The following UVSSA variants were observed in gnomAD, a reference collection of about 807,000 sequenced individuals.
UVSSA encodes the protein UV-stimulated scaffold protein A.
A neutral mutation model predicts 73.9 loss-of-function variants in UVSSA; 72 were observed. The observed-to-expected ratio is 0.97, with a 90% CI of 0.81 to 1.19. The LOEUF (loss-of-function observed/expected upper bound fraction) is 1.19, where lower values mean the gene tolerates loss of function less well. Among genes scored for constraint, UVSSA ranks in the 50% most tolerant of loss-of-function variants. UVSSA has a pLI of 0.00. For synonymous variants in UVSSA, 454 were observed against 391.3 expected (o/e 1.16, Z -1.89); for missense variants, 1,150 against 965.0 (o/e 1.19, Z -2.54).
chr4:1,361,447 G>A (rs893190771), intron 7 of UVSSA, among the ~76,000 whole-genome samples: 5 of 152,238 alleles, frequency 3.3e-5, no homozygotes, highest in Middle Eastern at 3.2e-3. Flanking sequence ...AGAAAGCAAC[G>A]ACTTGCTTCA....
At chr4:1,344,813 T>G (rs1713557353), upstream of UVSSA, among the ~76,000 whole-genome samples, 2 of 152,080 alleles carry the variant, frequency 1.3e-5, no homozygotes. Flanking sequence ...TGGGGGGTGT[T>G]GAGCCAGGGA....
At chr4:1,376,213 G>T (rs755428316) in intron 10 of UVSSA, 45 bp downstream of exon 10, 1 of 1,561,520 alleles carries the variant, frequency 6.4e-7, no homozygotes, top group South Asian at 1.2e-5. Flanking sequence ...CACAACCAGG[G>T]TCCCAGCCTG....
intron 8 of UVSSA, among the ~76,000 whole-genome samples, chr4:1,369,256 G>A (rs1237586217): frequency 6.6e-6 from 1 of 152,258 alleles, no homozygotes; most frequent in Non-Finnish European, 1.5e-5. Flanking sequence ...CCCCAGGCGA[G>A]GGCTGGAGGG....
chr4:1,347,188 C>T (rs546248132), upstream of UVSSA: 1 of 152,294 alleles, frequency 6.6e-6, no homozygotes, highest in East Asian at 1.9e-4. Context: ...GGGCGGTCCC[C>T]CCGCCGGAAG....
intron 12 of UVSSA, 24 bp downstream of exon 12, chr4:1,381,012 C>T (rs776864275): frequency 6.9e-6 from 11 of 1,604,002 alleles, no homozygotes; most frequent in East Asian, 4.5e-5. Flanking sequence ...AGGCGGTCAC[C>T]GTGGGAGGCA....
chr4:1,367,231 A>G (rs1717453358), intron 8 of UVSSA, among the ~76,000 whole-genome samples: 1 of 152,110 alleles, frequency 6.6e-6, no homozygotes, highest in Non-Finnish European at 1.5e-5. Context: ...ACTGCGTTCC[A>G]GTGACACACC....
In UVSSA at chr4:1,394,910, G is replaced by A. The variant is rs371253109; in HGVS notation, c.*8949G>A. 54 of 1,573,840 alleles carry A rather than the reference G, an allele frequency of 3.4e-5. 1 individual carries two copies. Among genetic ancestry groups the A allele is most frequent in the East Asian group, 4.7e-5 (2 of 42,254 alleles). On this transcript the variant is annotated 3_prime_UTR_variant, in exon 14 of 14. Transcript: ENST00000511216. ...CCCGCCTGCTCACACGTGCCCATGCGGAGTGCCCGCCTGCTCACACGTGCC... is the reference window on the plus strand; with the variant it reads ...CCCGCCTGCTCACACGTGCCCATGCAGAGTGCCCGCCTGCTCACACGTGCC...
chr4:1,370,812 G>C (rs1003479433), intron 8 of UVSSA, among the ~76,000 whole-genome samples: 1 of 152,226 alleles, frequency 6.6e-6, no homozygotes, highest in African/African-American at 2.4e-5. Context: ...GGTGGCTCCA[G>C]ACAGCCCGAG....
At chr4:1,350,810 G>A (rs1383605396) in intron 3 of UVSSA, among the ~76,000 whole-genome samples, 1 of 152,142 alleles carries the variant, frequency 6.6e-6, no homozygotes, top group Admixed American at 6.5e-5. Flanking sequence ...GACGCATAGG[G>A]CTCTTGGCCA....
chr4:1,353,455 G>T, intron 5 of UVSSA, 42 bp downstream of exon 5: 2 of 1,441,930 alleles, frequency 1.4e-6, no homozygotes, highest in South Asian at 1.5e-5. Flanking sequence ...ACCCTGCCCC[G>T]GCTCCCGGGT....
intron 3 of UVSSA, among the ~76,000 whole-genome samples, chr4:1,351,013 C>A (rs1230444345): frequency 6.6e-6 from 1 of 152,122 alleles, no homozygotes; most frequent in Admixed American, 6.5e-5. Context: ...CCAAGTGATC[C>A]TCCTGCCTCA....
At chr4:1,365,117 G>A (rs1449676496) in intron 7 of UVSSA, among the ~76,000 whole-genome samples, 1 of 152,224 alleles carries the variant, frequency 6.6e-6, no homozygotes, top group Non-Finnish European at 1.5e-5. Flanking sequence ...GTGTGGCCAT[G>A]TTACTGAGCA....
chr4:1,391,391 C>G (rs1160619996), downstream of UVSSA: 1 of 152,230 alleles, frequency 6.6e-6, no homozygotes, highest in Non-Finnish European at 1.5e-5. Context: ...CCTTATTGAT[C>G]TTCTGCCCAG....
At chr4:1,352,957 G>C in intron 4 of UVSSA, 73 bp from the exon 5 acceptor site, 1 of 1,537,652 alleles carries the variant, frequency 6.5e-7, no homozygotes, top group South Asian at 1.3e-5. Flanking sequence ...GTGGGCCTCT[G>C]AGTGTGGTTT....
rs1720213652 is a variant in UVSSA, at chr4:1,387,369, C to T, written c.*1408C>T. 1 of 152,252 alleles carries T rather than the reference C, an allele frequency of 6.6e-6. No individual in the cohort carries two copies. Among genetic ancestry groups the T allele is most frequent in the Admixed American group, 6.5e-5 (1 of 15,290 alleles). The allele number at this position is 152,252 out of a possible 1,614,324, so 9.4% of individuals were successfully genotyped here. On this transcript the variant is annotated 3_prime_UTR_variant, in exon 14 of 14. Transcript: ENST00000389851. The stretch of plus-strand genomic sequence containing the variant: ...GGGATTACAGGTGTGAGCCACCGCA[C>T]TCAGCTGATTTGCAAAAACTTTCTT...
Position 1,376,969 on chromosome 4 carries a change from G to A in UVSSA, c.1568+801G>A, listed in dbSNP as rs555056164. ...GCCAGTCCCCGCCATCAAGACCCAG[G>A]GCCAGGTGTGACACGGAATATTGCC... On this transcript the variant is annotated intron_variant, in intron 10 of 13. Coordinates refer to ENST00000389851, the MANE Select transcript of UVSSA (RefSeq NM_020894.4). 3.3e-5 allele frequency among the ~76,000 whole-genome samples: 5 copies of A among 152,330 alleles called. 1 individual carries two copies. Among genetic ancestry groups the A allele is most frequent in the African/African-American group, 1.2e-4 (5 of 41,578 alleles).
At position 1,351,717 on chromosome 4, in the gene UVSSA, G is replaced by A; in HGVS notation, c.432G>A (p.Val144=). The change falls in exon 4 of 14, where the codon GTG becomes GTA. Residue 144 remains valine (V), a splice_region_variant and synonymous_variant. Coordinates refer to ENST00000389851, the MANE Select transcript of UVSSA (RefSeq NM_020894.4). The part of the protein sequence containing the change: ...GYHFLRHNKK[V]DFQDTNARSL... ...AGTCTTTATTTTCAATTGCTCAGGT[G>A]GATTTTCAAGACACGAATGCTCGGA... 9 of 1,613,034 alleles carry A rather than the reference G, an allele frequency of 5.6e-6. No individual in the cohort carries two copies. Among genetic ancestry groups the A allele is most frequent in the Non-Finnish European group, 7.6e-6 (9 of 1,179,434 alleles).
rs1715119895 is a variant in UVSSA, at chr4:1,353,427, C to CG, written c.934+18dup. The CG allele has an allele frequency of 1.4e-6, 2 of 1,475,034 alleles. No homozygotes were observed. Among genetic ancestry groups the CG allele is most frequent in the East Asian group, 5.0e-5 (2 of 40,128 alleles). The allele number at this position is 1,475,034 out of a possible 1,614,324, so 91.4% of individuals were successfully genotyped here. ...AGCTCTGCTCAGGTAACTGCCTTCG[C>CG]GGGGTCTCTGTGGCGCCACCCTGCC... On this transcript the variant is annotated intron_variant, in intron 5 of 13. Coordinates refer to ENST00000389851, the MANE Select transcript of UVSSA (RefSeq NM_020894.4).
At position 1,394,219 on chromosome 4, in the gene UVSSA, G is replaced by A. The variant is rs910778117; in HGVS notation, c.*8258G>A. 8.7e-6 allele frequency: 5 copies of A among 571,968 alleles called. No homozygotes were observed. The Admixed American group carries it at 1.3e-4, about 15-fold the overall frequency. The allele number at this position is 571,968 out of a possible 1,614,324, so 35.4% of individuals were successfully genotyped here. On this transcript the variant is annotated 3_prime_UTR_variant, in exon 14 of 14. Coordinates refer to the UVSSA transcript ENST00000511216. Reference sequence around the variant, plus strand: ...AGCCTTCCATGCCTCCAGGAGTGTGGCAGAGCTTCTCAGCGGCCACTGTGG... The same window carrying A: ...AGCCTTCCATGCCTCCAGGAGTGTGACAGAGCTTCTCAGCGGCCACTGTGG...
Sources: allele counts gnomAD v4.1 joint callset (sites outside exome capture counted in the v4.1 genomes callset), GRCh38; gene constraint gnomAD v4.1.1; transcripts MANE v1.5; gene names NCBI Gene and HGNC (gene_info 2026-07-23, HGNC 2026-07-21).